The following LRRC37A variants were observed in gnomAD, a reference collection of about 807,000 sequenced individuals.
LRRC37A encodes the protein leucine rich repeat containing 37A.
In LRRC37A, 3 loss-of-function variants were observed where a neutral mutation model predicts 35.4. That is an observed-to-expected ratio of 0.08 (90% confidence interval 0.04 to 0.22). The LOEUF (loss-of-function observed/expected upper bound fraction) is 0.22, where lower values mean the gene tolerates loss of function less well. Among genes scored for constraint, LRRC37A ranks in the 10% least tolerant of loss-of-function variants. LRRC37A has a pLI of 1.00. For missense variants in LRRC37A, 67 were observed against 565.3 expected (o/e 0.12, Z 8.94); for synonymous variants, 23 against 215.0 (o/e 0.11, Z 7.81).
chr17:46,330,710 C>A, exon 9 of LRRC37A: 2 of 401,036 alleles, frequency 5.0e-6, no homozygotes, highest in East Asian at 3.0e-5. Flanking sequence ...CATTAAACTG[C>A]CAACCACAGG....
At chr17:46,281,196 C>T in the LRRC37A span, among the ~76,000 whole-genome samples, 20,910 of 150,492 alleles carry the variant, frequency 0.14, 1,863 homozygotes, top group Non-Finnish European at 0.21. Context: ...GTCCACCTGG[C>T]TTATAATGTT....
chr17:46,259,606 G>T, the LRRC37A span: 3 of 1,612,050 alleles, frequency 1.9e-6, no homozygotes, highest in East Asian at 2.2e-5. Context: ...GTTGGCCCCA[G>T]ACTCACTGAG....
the LRRC37A span, among the ~76,000 whole-genome samples, chr17:46,256,700 A>G: frequency 6.6e-6 from 1 of 152,226 alleles, no homozygotes; most frequent in Non-Finnish European, 1.5e-5. Context: ...GAAGGAGGCT[A>G]TGTCTGAAAG....
chr17:46,267,133 G>A, the LRRC37A span: 8 of 527,836 alleles, frequency 1.5e-5, no homozygotes, highest in African/African-American at 4.0e-5. Context: ...GGCGAGAGGC[G>A]TTCTGCAAGC....
upstream of LRRC37A, among the ~76,000 whole-genome samples, chr17:46,291,985 A>AAAAAAAAAAAAAAAC (rs1360524355): frequency 8.0e-4 from 61 of 76,626 alleles, 3 homozygotes; most frequent in South Asian, 2.4e-3. Flanking sequence ...AAAAAAAAAA[A>AAAAAAAAAAAAAAAC]AAGCCAATAA....
At chr17:46,291,790 CA>C (rs2050074852), upstream of LRRC37A, among the ~76,000 whole-genome samples, 1 of 151,542 alleles carries the variant, frequency 6.6e-6, no homozygotes, top group Admixed American at 6.6e-5. Flanking sequence ...ACAATAACAA[CA>C]AAAAACACCC....
upstream of LRRC37A, among the ~76,000 whole-genome samples, chr17:46,289,238 A>G (rs1221128030): frequency 4.6e-5 from 7 of 152,216 alleles, no homozygotes; most frequent in African/African-American, 1.7e-4. Flanking sequence ...CCTGGACTGC[A>G]GTGACATAAA....
the LRRC37A span, among the ~76,000 whole-genome samples, chr17:46,280,475 G>C: frequency 6.6e-6 from 1 of 151,952 alleles, no homozygotes; most frequent in Non-Finnish European, 1.5e-5. Flanking sequence ...CTCAGTTCAA[G>C]ACTAGCTTGG....
At chr17:46,258,219 C>CTTTTTTT in the LRRC37A span, among the ~76,000 whole-genome samples, 1 of 147,136 alleles carries the variant, frequency 6.8e-6, no homozygotes. Context: ...GAAAGAGATT[C>CTTTTTTT]TTTTTTTTTT....
chr17:46,278,773 A>G, the LRRC37A span, among the ~76,000 whole-genome samples: 7 of 152,002 alleles, frequency 4.6e-5, no homozygotes, highest in Admixed American at 1.3e-4. Flanking sequence ...CTGATTCTAA[A>G]AGTTGAAAAC....
upstream of LRRC37A, among the ~76,000 whole-genome samples, chr17:46,291,800 C>A (rs1243768578): frequency 6.6e-6 from 1 of 151,584 alleles, no homozygotes; most frequent in African/African-American, 2.4e-5. Context: ...CAAAAAACAC[C>A]CCAAAATTAG....
At chr17:46,286,711 GC>G in the LRRC37A span, among the ~76,000 whole-genome samples, 1 of 152,222 alleles carries the variant, frequency 6.6e-6, no homozygotes, top group South Asian at 2.1e-4. Context: ...GAAAAAATCT[GC>G]TTTTTATTTT....
the LRRC37A span, among the ~76,000 whole-genome samples, chr17:46,270,650 T>C: frequency 6.6e-6 from 1 of 152,258 alleles, no homozygotes; most frequent in Non-Finnish European, 1.5e-5. Flanking sequence ...GACTCACACC[T>C]GTAATCCCAG....
chr17:46,330,822 T>G (rs2051891968), exon 9 of LRRC37A: 1 of 697,188 alleles, frequency 1.4e-6, no homozygotes, highest in African/African-American at 2.1e-5. Context: ...TTCAAAGAGG[T>G]AGGAAGGCAG....
the LRRC37A span, among the ~76,000 whole-genome samples, chr17:46,263,833 A>C: frequency 6.7e-6 from 1 of 149,962 alleles, no homozygotes; most frequent in Admixed American, 6.6e-5. Context: ...CAGACTGGGC[A>C]ACAAGAGTGA....
At chr17:46,269,078 C>T in the LRRC37A span, among the ~76,000 whole-genome samples, 22 of 152,244 alleles carry the variant, frequency 1.4e-4, no homozygotes, top group Non-Finnish European at 2.9e-4. Flanking sequence ...TGTATCAAAC[C>T]TGATTTTATA....
chr17:46,268,400 C>T, the LRRC37A span: 1 of 905,726 alleles, frequency 1.1e-6, no homozygotes, highest in South Asian at 3.1e-5. Context: ...ACTTGTGCAG[C>T]AAGATAGTAG....
the LRRC37A span, among the ~76,000 whole-genome samples, chr17:46,270,518 T>C: frequency 1.8e-4 from 27 of 152,236 alleles, no homozygotes; most frequent in Non-Finnish European, 2.6e-4. Flanking sequence ...GATAGAATTA[T>C]AGCTAATGAA....
the LRRC37A span, among the ~76,000 whole-genome samples, chr17:46,255,269 G>A: frequency 6.6e-6 from 1 of 151,870 alleles, no homozygotes; most frequent in Non-Finnish European, 1.5e-5. Context: ...TTGCCCAGCC[G>A]AAGCTGGCCA....
Sources: allele counts gnomAD v4.1 joint callset (sites outside exome capture counted in the v4.1 genomes callset), GRCh38; gene constraint gnomAD v4.1.1; transcripts MANE v1.5; gene names NCBI Gene and HGNC (gene_info 2026-07-23, HGNC 2026-07-21).